The following APP variants were observed in gnomAD, a reference collection of about 807,000 sequenced individuals.
APP encodes amyloid-beta precursor protein.
A neutral mutation model predicts 101.4 loss-of-function variants in APP; 31 were observed. The ratio of observed to expected loss-of-function variants is 0.31; its 90% CI spans 0.23 to 0.41. The LOEUF is 0.41. Among genes scored for constraint, APP ranks in the 10% least tolerant of loss-of-function variants. The pLI, the probability that APP is intolerant of heterozygous loss-of-function variation, is 1.00. For missense variants in APP, 839 were observed against 1,003.7 expected (o/e 0.84, Z 2.22); for synonymous variants, 366 against 364.4 (o/e 1.00, Z -0.05).
chr21:26,151,507 C>A (rs1390707519), intron 1 of APP, among the ~76,000 whole-genome samples: 1 of 152,076 alleles, frequency 6.6e-6, no homozygotes, highest in African/African-American at 2.4e-5. Context: ...TTAAAGACCA[C>A]CATGCGTAAC....
Position 25,942,359 on chromosome 21 carries a change from T to C in APP, c.1687+12231A>G, listed in dbSNP as rs564660377. 3 of 152,278 alleles carry C rather than the reference T, an allele frequency of 2.0e-5. No individual in the cohort carries two copies. The South Asian group carries it at 6.2e-4, about 32-fold the overall frequency. 9.4% of individuals were successfully genotyped at this position (152,278 alleles called of 1,614,324 possible). On this transcript the variant is annotated intron_variant, in intron 13 of 17. Transcript: ENST00000346798. ...TAGTCTTATTCATCACGTCTGACCT[T>C]GGGCATATTACATGGTTTTCCTGAG...
rs146303998 is a variant in APP at position 25,982,759 on chromosome 21, A to C, written c.1091-282T>G. On this transcript the variant is annotated intron_variant, in intron 8 of 17. Coordinates refer to ENST00000346798, the MANE Select transcript of APP (RefSeq NM_000484.4). Reference sequence around the variant, plus strand: ...AGAGTTCTTTACGAAACAAGCATGCAAAGAGCAAAAACAGTTGGTGCTGAA... The same window carrying C: ...AGAGTTCTTTACGAAACAAGCATGCCAAGAGCAAAAACAGTTGGTGCTGAA... Among the ~76,000 whole-genome samples the C allele has an allele frequency of 7.2e-5, 11 of 152,346 alleles. No homozygotes were observed. The East Asian group carries it at 2.1e-3, about 29-fold the overall frequency.
intron 8 of APP, among the ~76,000 whole-genome samples, chr21:25,983,879 T>G (rs1431162080): frequency 6.6e-6 from 1 of 152,006 alleles, no homozygotes; most frequent in Non-Finnish European, 1.5e-5. Flanking sequence ...AAGGAAAGAG[T>G]CATGTGGGGA....
intron 16 of APP, among the ~76,000 whole-genome samples, chr21:25,897,248 G>C (rs1256969765): frequency 6.6e-6 from 1 of 152,064 alleles, no homozygotes; most frequent in Non-Finnish European, 1.5e-5. Flanking sequence ...CAGCAGCTGG[G>C]ACTACAGGTG....
intron 17 of APP, among the ~76,000 whole-genome samples, chr21:25,887,331 C>A: frequency 6.6e-6 from 1 of 151,942 alleles, no homozygotes; most frequent in Non-Finnish European, 1.5e-5. Flanking sequence ...TTCCAGCCAC[C>A]AGAGGGCTAT....
rs527629041 is a variant in APP at position 26,074,327 on chromosome 21, C to T, written c.355+15616G>A. Reference sequence around the variant, plus strand: ...CATTCATGTAATCACTTAATAAAGACATTAAAATAGGATGACAGGAGTTCA... The same window carrying T: ...CATTCATGTAATCACTTAATAAAGATATTAAAATAGGATGACAGGAGTTCA... On this transcript the variant is annotated intron_variant, in intron 3 of 17. Transcript: ENST00000346798. Among the ~76,000 whole-genome samples, 4 of 152,118 alleles carry T rather than the reference C, an allele frequency of 2.6e-5. No individual in the cohort carries two copies. In the South Asian group the frequency reaches 8.3e-4, roughly 32 times the overall value.
chr21:25,896,368 C>G (rs2146258211), intron 16 of APP, among the ~76,000 whole-genome samples: 2 of 152,054 alleles, frequency 1.3e-5, no homozygotes, highest in South Asian at 4.2e-4. Context: ...TAGGATTTAT[C>G]AACTTTATGA....
rs764464424 is a variant in APP, at chr21:25,955,606, A to G, written c.1587+21T>C. 1.9e-6 allele frequency: 3 copies of G among 1,613,902 alleles called. No individual in the cohort carries two copies. In the South Asian group the frequency reaches 3.3e-5, roughly 18 times the overall value. On this transcript the variant is annotated intron_variant, in intron 12 of 17. Transcript: ENST00000346798. Reference sequence around the variant, plus strand: ...TCCTGGATTGTCAAAGCTGCAGAAGATGATTATACCCCACGCTTACCTGGG... The same window carrying G: ...TCCTGGATTGTCAAAGCTGCAGAAGGTGATTATACCCCACGCTTACCTGGG...
intron 11 of APP, among the ~76,000 whole-genome samples, chr21:25,961,089 T>G (rs952333736): frequency 2.0e-5 from 3 of 152,188 alleles, no homozygotes; most frequent in African/African-American, 7.2e-5. Flanking sequence ...AGCTGGGAAC[T>G]GCTTAGAGCC....
At chr21:26,146,404 A>T (rs768216159) in intron 1 of APP, among the ~76,000 whole-genome samples, 1 of 152,224 alleles carries the variant, frequency 6.6e-6, no homozygotes, top group Non-Finnish European at 1.5e-5. Flanking sequence ...AAACAATGTT[A>T]TATCACTGTT....
At chr21:26,013,066 T>C (rs985798) in intron 6 of APP, among the ~76,000 whole-genome samples, 138,743 of 151,972 alleles carry the variant, frequency 0.91, 63,683 homozygotes, top group Middle Eastern at 0.98. Context: ...CCTGTAATGC[T>C]AGCACTTTAG....
chr21:25,898,665 A>G (rs780235296), intron 15 of APP, among the ~76,000 whole-genome samples: 8 of 152,166 alleles, frequency 5.3e-5, no homozygotes, highest in Non-Finnish European at 1.2e-4. Flanking sequence ...AGCCAGAATC[A>G]GCTTCCCTGT....
rs890176257 is a variant in APP at position 26,090,167 on chromosome 21, G to GA, written c.226-96_226-95insT. The GA allele has an allele frequency of 5.7e-6, 9 of 1,566,678 alleles. No individual in the cohort carries two copies. In the African/African-American group the frequency reaches 1.2e-4, roughly 21 times the overall value. ...GCCTCCACTGTAAGGTACAGGTGGAGTGTCCCTTATCCAAAATGCTTGGGA... is the reference window on the plus strand; with the variant it reads ...GCCTCCACTGTAAGGTACAGGTGGAGATGTCCCTTATCCAAAATGCTTGGGA... On this transcript the variant is annotated intron_variant, in intron 2 of 17. Transcript: ENST00000346798.
At chr21:26,029,606 T>C (rs1352180275) in intron 5 of APP, among the ~76,000 whole-genome samples, 2 of 151,890 alleles carry the variant, frequency 1.3e-5, no homozygotes, top group Non-Finnish European at 2.9e-5. Flanking sequence ...AAAGGCCCGG[T>C]GACAGGAGGG....
intron 17 of APP, among the ~76,000 whole-genome samples, chr21:25,890,131 C>T (rs2037594965): frequency 6.6e-6 from 1 of 152,102 alleles, no homozygotes. Flanking sequence ...TTTATGTGCT[C>T]ACACTCTGAT....
At chr21:26,011,102 T>C (rs1313586605) in intron 6 of APP, among the ~76,000 whole-genome samples, 5 of 151,980 alleles carry the variant, frequency 3.3e-5, no homozygotes, top group African/African-American at 1.2e-4. Flanking sequence ...TGAGACGGCA[T>C]CTCAGTCTGT....
intron 5 of APP, among the ~76,000 whole-genome samples, chr21:26,030,043 C>T (rs893591261): frequency 3.3e-5 from 5 of 152,128 alleles, no homozygotes; most frequent in African/African-American, 1.2e-4. Context: ...TGGGCAGAAC[C>T]TTTAAAAGAC....
chr21:25,909,217 C>A (rs932253390), intron 14 of APP, among the ~76,000 whole-genome samples: 1 of 147,528 alleles, frequency 6.8e-6, no homozygotes, highest in African/African-American at 2.5e-5. Context: ...GAGCTGAGAT[C>A]GCGCCACTGC....
chr21:25,928,181 A>G (rs1161919919), intron 13 of APP, among the ~76,000 whole-genome samples: 1 of 113,680 alleles, frequency 8.8e-6, no homozygotes, highest in African/African-American at 3.5e-5. Flanking sequence ...CGTCTCTACT[A>G]AAAATACAAA....
Sources: allele counts gnomAD v4.1 joint callset (sites outside exome capture counted in the v4.1 genomes callset), GRCh38; gene constraint gnomAD v4.1.1; transcripts MANE v1.5; gene names NCBI Gene and HGNC (gene_info 2026-07-23, HGNC 2026-07-21).